SDR16C5: variants seen among roughly 807,000 people sequenced by gnomAD.
The protein encoded by SDR16C5 is short chain dehydrogenase/reductase family 16C member 5, also known as epidermal retinol dehydrogenase 2.
Under a neutral mutation model 27.7 loss-of-function variants are expected in SDR16C5, and 20 were observed. That is an observed-to-expected ratio of 0.72 (90% CI 0.51 to 1.05). The LOEUF is 1.05. SDR16C5 is among the 50% of genes least tolerant of loss of function. SDR16C5 has a pLI of 0.00. For missense variants in SDR16C5, 374 were observed against 366.3 expected (o/e 1.02, Z -0.17); for synonymous variants, 139 against 132.3 (o/e 1.05, Z -0.35).
At chr8:56,315,991 T>C (rs770146562) in intron 2 of SDR16C5, 24 bp downstream of exon 2, 3 of 1,516,654 alleles carry the variant, frequency 2.0e-6, no homozygotes, top group Non-Finnish European at 2.7e-6. Flanking sequence ...TATCAAATTA[T>C]AATAGTAAAC....
rs774864175 is a variant in SDR16C5 at position 56,316,042 on chromosome 8, CT to C, written c.305del (p.Lys102ArgfsTer7). On this transcript the variant is annotated frameshift_variant, in exon 2 of 7. Transcript: ENST00000303749. LOFTEE classifies it high-confidence loss of function. ...VHAYTCDCSQ[K>X]EGVYRVADQV... ...GGTCGGCTACTCTATACACTCCTTC[CT>C]TTTGGCTGCAATCGCAGGTATAGGC... The C allele has an allele frequency of 1.2e-6, 2 of 1,614,024 alleles. No individual in the cohort carries two copies. Among genetic ancestry groups the C allele is most frequent in the Admixed American group, 3.3e-5 (2 of 60,016 alleles).
At position 56,300,297 on chromosome 8, in the gene SDR16C5, C is replaced by T. The variant is rs1438051772; in HGVS notation, c.*1183G>A. On this transcript the variant is annotated 3_prime_UTR_variant, in exon 7 of 7. Coordinates refer to ENST00000303749, the MANE Select transcript of SDR16C5 (RefSeq NM_138969.4). ...AGTTTACACCCCCTGAGACTGCTGC[C>T]CCTATGACAGCATTTTACCCCCAAG... is the stretch of plus-strand genomic sequence containing the variant. 6.6e-6 allele frequency: 1 copy of T among 151,896 alleles called. No homozygotes were observed. The highest frequency in any genetic ancestry group is 1.5e-5 in the Non-Finnish European group (1 of 68,022). The allele number at this position is 151,896 out of a possible 1,614,324, so 9.4% of individuals were successfully genotyped here. A position where few individuals can be genotyped will look rare whatever the true frequency, so the allele number is the denominator to read the frequency against.
intron 3 of SDR16C5, among the ~76,000 whole-genome samples, chr8:56,311,938 T>A (rs1431107001): frequency 6.6e-6 from 1 of 152,144 alleles, no homozygotes; most frequent in African/African-American, 2.4e-5. Flanking sequence ...AGCAGGACCA[T>A]GAGGACAGTT....
intron 2 of SDR16C5, among the ~76,000 whole-genome samples, chr8:56,315,093 C>T (rs2129261556): frequency 6.6e-6 from 1 of 151,950 alleles, no homozygotes; most frequent in Middle Eastern, 3.4e-3. Flanking sequence ...AAATACAAAA[C>T]AATTAGCCAG....
intron 3 of SDR16C5, among the ~76,000 whole-genome samples, chr8:56,311,605 G>C (rs1453435876): frequency 1.3e-5 from 2 of 152,154 alleles, no homozygotes; most frequent in Non-Finnish European, 2.9e-5. Context: ...TTTAGCGCTG[G>C]TAGCAGGTGG....
At chr8:56,316,943 C>T (rs945109863) in intron 1 of SDR16C5, among the ~76,000 whole-genome samples, 11 of 152,104 alleles carry the variant, frequency 7.2e-5, no homozygotes, top group Admixed American at 2.0e-4. Flanking sequence ...AGACCTTTTC[C>T]GACAGATTTG....
intron 6 of SDR16C5, 142 bp downstream of exon 6, chr8:56,305,455 A>G (rs1385941850): frequency 4.3e-6 from 3 of 704,074 alleles, no homozygotes; most frequent in Non-Finnish European, 6.4e-6. Flanking sequence ...AATGGGCACA[A>G]TGATAGGACT....
intron 3 of SDR16C5, chr8:56,309,663 C>A: frequency 4.7e-6 from 4 of 843,546 alleles, no homozygotes; most frequent in Non-Finnish European, 5.7e-6. Context: ...ACTAATCACA[C>A]CAAAGACAAG....
intron 6 of SDR16C5, among the ~76,000 whole-genome samples, chr8:56,302,610 T>G (rs1585905895): frequency 6.7e-6 from 1 of 150,196 alleles, no homozygotes; most frequent in African/African-American, 2.5e-5. Flanking sequence ...GAGGTGGGGG[T>G]TGCAGTGAGG....
At chr8:56,314,735 A>G (rs1815145869) in intron 2 of SDR16C5, among the ~76,000 whole-genome samples, 1 of 152,146 alleles carries the variant, frequency 6.6e-6, no homozygotes, top group Admixed American at 6.5e-5. Flanking sequence ...TGTAAAGACA[A>G]ACTTGAAAGT....
In SDR16C5 at chr8:56,300,762, C is replaced by G. The variant is rs1488763048; in HGVS notation, c.*718G>C. 6.6e-6 allele frequency: 1 copy of G among 152,108 alleles called. No homozygotes were observed. Among genetic ancestry groups the G allele is most frequent in the African/African-American group, 2.4e-5 (1 of 41,424 alleles). 9.4% of individuals were successfully genotyped at this position (152,108 alleles called of 1,614,324 possible). A position where few individuals can be genotyped will look rare whatever the true frequency, so the allele number is the denominator to read the frequency against. On this transcript the variant is annotated 3_prime_UTR_variant, in exon 7 of 7. Transcript: ENST00000303749. Reference sequence around the variant, plus strand: ...TTTCATCTTCAAAGTAAGAAGCAACCACTCTTTGATCTCTTCTAGGAAACA... The same window carrying G: ...TTTCATCTTCAAAGTAAGAAGCAACGACTCTTTGATCTCTTCTAGGAAACA...
In SDR16C5 at chr8:56,316,361, C is replaced by G. The variant is rs1815198417; in HGVS notation, c.-14G>C. On this transcript the variant is annotated splice_region_variant and 5_prime_UTR_variant, in exon 2 of 7. Transcript: ENST00000303749. ...GTTGAAAGACATGTTCTGGCTGACA[C>G]CTGTGAAGAAAGACAGATTCACATG... 2 of 1,589,464 alleles carry G rather than the reference C, an allele frequency of 1.3e-6. No individual in the cohort carries two copies. Among genetic ancestry groups the G allele is most frequent in the African/African-American group, 2.7e-5 (2 of 74,322 alleles).
chr8:56,313,721 A>T (rs1473733265), intron 2 of SDR16C5, among the ~76,000 whole-genome samples: 1 of 152,174 alleles, frequency 6.6e-6, no homozygotes, highest in African/African-American at 2.4e-5. Flanking sequence ...CACAGATTAG[A>T]ATCTGCCTGT....
intron 1 of SDR16C5, among the ~76,000 whole-genome samples, chr8:56,319,281 C>G (rs1585924215): frequency 1.3e-5 from 2 of 152,230 alleles, no homozygotes; most frequent in Middle Eastern, 6.8e-3. Context: ...GTGGCACAGC[C>G]ATAAAACATG....
At chr8:56,304,164 T>C (rs1262229786) in intron 6 of SDR16C5, 1 of 676,164 alleles carries the variant, frequency 1.5e-6, no homozygotes, top group Non-Finnish European at 2.7e-6. Flanking sequence ...GAAAAGAAAT[T>C]TCTGTACACA....
intron 5 of SDR16C5, 114 bp from the exon 6 acceptor site, chr8:56,305,836 G>T: frequency 2.8e-6 from 3 of 1,068,196 alleles, no homozygotes; most frequent in South Asian, 1.7e-5. Flanking sequence ...TTATTTCTTT[G>T]CTTTTCAATT....
chr8:56,315,032 G>A (rs1040078741), intron 2 of SDR16C5, among the ~76,000 whole-genome samples: 4 of 152,032 alleles, frequency 2.6e-5, no homozygotes, highest in African/African-American at 9.7e-5. Flanking sequence ...ATCACCTGAG[G>A]TCGGGAGTTC....
rs368394866 is a variant in SDR16C5 at position 56,303,095 on chromosome 8, C to T, written c.837-1522G>A. Among the ~76,000 whole-genome samples the T allele has an allele frequency of 4.6e-5, 7 of 152,040 alleles. No homozygotes were observed. In the East Asian group the frequency reaches 5.8e-4, roughly 13 times the overall value. On this transcript the variant is annotated intron_variant, in intron 6 of 6. Coordinates refer to ENST00000303749, the MANE Select transcript of SDR16C5 (RefSeq NM_138969.4). Reference sequence around the variant, plus strand: ...TTGGGAGGCTGAGGTGGGTGGATGACCTGAGGTCGAGAGTTCAAGACCAGC... The same window carrying T: ...TTGGGAGGCTGAGGTGGGTGGATGATCTGAGGTCGAGAGTTCAAGACCAGC...
intron 1 of SDR16C5, among the ~76,000 whole-genome samples, chr8:56,317,555 G>A (rs916756075): frequency 6.6e-6 from 1 of 152,208 alleles, no homozygotes; most frequent in African/African-American, 2.4e-5. Flanking sequence ...CAAAGGCACA[G>A]GTGTGAGGAG....
Sources: gnomAD v4.1 joint callset for allele counts (sites outside exome capture counted in the v4.1 genomes callset) on GRCh38, gnomAD v4.1.1 for gene constraint, MANE v1.5 for transcripts, NCBI Gene and HGNC (gene_info 2026-07-23, HGNC 2026-07-21) for gene names.